HAO2: variants seen among roughly 807,000 people sequenced by gnomAD.
The protein encoded by HAO2 is 2-Hydroxyacid oxidase 2.
Under a neutral mutation model 37.4 loss-of-function variants are expected in HAO2, and 42 were observed. The observed-to-expected ratio is 1.12, with a 90% CI of 0.88 to 1.45. HAO2 has a LOEUF of 1.45. HAO2 is among the 40% of genes most tolerant of loss of function. The pLI is 0.00. For missense variants in HAO2, 476 were observed against 430.2 expected (o/e 1.11, Z -0.94); for synonymous variants, 180 against 162.8 (o/e 1.11, Z -0.81).
chr1:119,385,992 A>G, intron 4 of HAO2: 1 of 643,328 alleles, frequency 1.6e-6, no homozygotes, highest in Non-Finnish European at 1.9e-6. Flanking sequence ...GCTTTTGCTT[A>G]TCCATCTTAT....
intron 3 of HAO2, among the ~76,000 whole-genome samples, chr1:119,384,463 C>T (rs1650215384): frequency 1.3e-5 from 2 of 152,112 alleles, no homozygotes; most frequent in Admixed American, 1.3e-4. Context: ...CATAAGAGGC[C>T]CAGTTGCCTG....
In HAO2 at chr1:119,386,823, C is replaced by G; in HGVS notation, c.763C>G (p.Leu255Val). The change falls in exon 5 of 8, where the codon CTT (leucine) becomes GTT (valine). Residue 255 changes from leucine to valine, a missense_variant. Physicochemically the swap from Leu to Val is conservative, Grantham distance 32 (BLOSUM62 1). Transcript: ENST00000325945. Reference sequence around the variant, plus strand: ...TGGTGGGAGGCAGCTTGATGAGGTTCTTGCTTCAGTAAGTAGGATTACTTC... The same window carrying G: ...TGGTGGGAGGCAGCTTGATGAGGTTGTTGCTTCAGTAAGTAGGATTACTTC... ...NHGGRQLDEV[L>V]ASIDALTEVV... 1 of 1,604,770 alleles carries G rather than the reference C, an allele frequency of 6.2e-7. No individual in the cohort carries two copies. Among genetic ancestry groups the G allele is most frequent in the Non-Finnish European group, 8.5e-7 (1 of 1,171,588 alleles).
chr1:119,383,996 T>A (rs1023136386), intron 3 of HAO2, among the ~76,000 whole-genome samples: 2 of 152,200 alleles, frequency 1.3e-5, no homozygotes, highest in Non-Finnish European at 2.9e-5. Context: ...CCTGTTGACA[T>A]GAAAAATTGA....
chr1:119,389,977 A>G (rs72691185), intron 5 of HAO2, among the ~76,000 whole-genome samples: 8 of 152,272 alleles, frequency 5.3e-5, no homozygotes, highest in Non-Finnish European at 1.2e-4. Context: ...AAAGTGAGAG[A>G]TGATGATCCA....
In HAO2 at chr1:119,384,947, C is replaced by G. The variant is rs1650261555; in HGVS notation, c.455C>G (p.Ala152Gly). The change falls in exon 4 of 8, where the codon GCT (alanine) becomes GGT (glycine). Residue 152 changes from alanine to glycine, a missense_variant. Physicochemically the swap from Ala to Gly is moderately conservative, Grantham distance 60 (BLOSUM62 0). Transcript: ENST00000325945. The part of the protein sequence containing the change: ...IQRVESLGFK[A>G]LVITLDTPVC... ...AGGGTAGAATCCCTAGGTTTCAAAG[C>G]TTTGGTAATAACTTTGGATACACCT... 6.2e-7 allele frequency: 1 copy of G among 1,613,544 alleles called. No individual in the cohort carries two copies.
chr1:119,387,973 G>A (rs1650519791), intron 5 of HAO2, among the ~76,000 whole-genome samples: 2 of 152,190 alleles, frequency 1.3e-5, no homozygotes, highest in African/African-American at 4.8e-5. Flanking sequence ...AGCTCTAACT[G>A]CTAAAGGCAG....
intron 3 of HAO2, among the ~76,000 whole-genome samples, chr1:119,383,909 A>G (rs1471118882): frequency 6.6e-6 from 1 of 152,186 alleles, no homozygotes; most frequent in African/African-American, 2.4e-5. Context: ...TTAATATCCT[A>G]TATGAATGTG....
intron 5 of HAO2, among the ~76,000 whole-genome samples, chr1:119,388,405 C>T (rs866564080): frequency 6.6e-6 from 1 of 152,152 alleles, no homozygotes; most frequent in African/African-American, 2.4e-5. Context: ...AATGAGTAGA[C>T]AAAGAGGAAG....
rs754088783 is a variant in HAO2 at position 119,384,728 on chromosome 1, TC to T, written c.284-46del. ...CAGACTCCCAAGGTTTTCAGCCCAG[TC>T]CAGAGGCCTCTGCCCTCCAGCCTGA... On this transcript the variant is annotated intron_variant, in intron 3 of 7. Coordinates refer to ENST00000325945, the MANE Select transcript of HAO2 (RefSeq NM_016527.4). 24 of 1,569,690 alleles carry T rather than the reference TC, an allele frequency of 1.5e-5. No individual in the cohort carries two copies. In the Admixed American group the frequency reaches 3.7e-4, roughly 24 times the overall value.
At chr1:119,385,946 T>C in intron 4 of HAO2, 1 of 942,050 alleles carries the variant, frequency 1.1e-6, no homozygotes, top group Non-Finnish European at 1.3e-6. Context: ...ATCCTGGGTA[T>C]GCCTCAACCG....
chr1:119,384,275 A>G (rs1189052574), intron 3 of HAO2, among the ~76,000 whole-genome samples: 2 of 152,152 alleles, frequency 1.3e-5, no homozygotes, highest in Non-Finnish European at 2.9e-5. Context: ...TATTTTCCCT[A>G]TTTTACAGAT....
chr1:119,370,354 G>A (rs1280904866), intron 1 of HAO2: 1 of 152,098 alleles, frequency 6.6e-6, no homozygotes, highest in African/African-American at 2.4e-5. Context: ...TCTGACAGAG[G>A]GTTTAAATTA....
At chr1:119,385,692 G>C in intron 4 of HAO2, 1 of 985,334 alleles carries the variant, frequency 1.0e-6, no homozygotes, top group Non-Finnish European at 1.2e-6. Context: ...GAGAGAGACA[G>C]CCATGATAAA....
chr1:119,382,564 G>C (rs1557848627), intron 2 of HAO2, among the ~76,000 whole-genome samples: 1 of 152,162 alleles, frequency 6.6e-6, no homozygotes, highest in African/African-American at 2.4e-5. Context: ...TTTAGTCCTT[G>C]TTATGATGAA....
chr1:119,376,252 C>T (rs1649458550), intron 1 of HAO2, among the ~76,000 whole-genome samples: 1 of 152,222 alleles, frequency 6.6e-6, no homozygotes. Flanking sequence ...GCTACGGCCC[C>T]ATGCAAGTCT....
chr1:119,388,640 C>T (rs587642518), intron 5 of HAO2, among the ~76,000 whole-genome samples: 8 of 152,192 alleles, frequency 5.3e-5, no homozygotes, highest in African/African-American at 1.7e-4. Context: ...GCTTGTATAA[C>T]CCTGCCTCAC....
At position 119,392,685 on chromosome 1, in the gene HAO2, C is replaced by T. The variant is rs1188430479; in HGVS notation, c.998C>T (p.Thr333Ile). The change falls in exon 7 of 8, where the codon ACA becomes ATA. Residue 333 changes from threonine to isoleucine, a missense_variant and splice_region_variant. By Grantham distance (89) the Thr-to-Ile change is moderately conservative. Coordinates refer to ENST00000325945, the MANE Select transcript of HAO2 (RefSeq NM_016527.4). ...GAGTTCCACACTTCCATGGCCCTTA[C>T]AGGTAAGTTAACATGTTTTCCCTGA... ...TNEFHTSMAL[T>I]GCRSVAEINR... 1.5e-5 allele frequency: 23 copies of T among 1,583,424 alleles called. No individual in the cohort carries two copies. Among genetic ancestry groups the T allele is most frequent in the African/African-American group, 4.0e-5 (3 of 74,306 alleles).
chr1:119,372,707 G>A, intron 1 of HAO2, among the ~76,000 whole-genome samples: 1 of 152,226 alleles, frequency 6.6e-6, no homozygotes, highest in East Asian at 1.9e-4. Flanking sequence ...CCATAAGGTG[G>A]TGCCACGGGA....
intron 2 of HAO2, among the ~76,000 whole-genome samples, chr1:119,382,251 A>T (rs769565827): frequency 6.6e-6 from 1 of 152,144 alleles, no homozygotes; most frequent in Non-Finnish European, 1.5e-5. Flanking sequence ...TTTTCAGAAA[A>T]TTTTTCTAAG....
Sources: allele counts gnomAD v4.1 joint callset (sites outside exome capture counted in the v4.1 genomes callset), GRCh38; gene constraint gnomAD v4.1.1; transcripts MANE v1.5; gene names NCBI Gene and HGNC (gene_info 2026-07-23, HGNC 2026-07-21).